The following UBE3D variants were observed in gnomAD, a reference collection of about 807,000 sequenced individuals.
The protein encoded by UBE3D is E3 ubiquitin-protein ligase E3D.
A neutral mutation model predicts 49.6 loss-of-function variants in UBE3D; 48 were observed. The observed-to-expected ratio is 0.97, with a 90% confidence interval of 0.77 to 1.23. The LOEUF (loss-of-function observed/expected upper bound fraction) is 1.23, where lower values mean the gene tolerates loss of function less well. UBE3D is among the 50% of genes most tolerant of loss of function. UBE3D has a pLI of 0.00. For missense variants in UBE3D, 452 were observed against 468.4 expected (o/e 0.96, Z 0.32); for synonymous variants, 189 against 174.2 (o/e 1.08, Z -0.67).
At chr6:82,996,362 A>G (rs1779242938) in intron 8 of UBE3D, among the ~76,000 whole-genome samples, 1 of 151,674 alleles carries the variant, frequency 6.6e-6, no homozygotes, top group Non-Finnish European at 1.5e-5. Context: ...AAATAAAATC[A>G]TAGTATGGAT....
At chr6:82,949,913 G>C (rs569938829) in intron 9 of UBE3D, among the ~76,000 whole-genome samples, 1 of 152,056 alleles carries the variant, frequency 6.6e-6, no homozygotes, top group South Asian at 2.1e-4. Context: ...CAAAATTACT[G>C]TAAGAAAACA....
At chr6:82,981,889 T>A (rs546671595) in intron 8 of UBE3D, among the ~76,000 whole-genome samples, 1 of 152,270 alleles carries the variant, frequency 6.6e-6, no homozygotes, top group African/African-American at 2.4e-5. Context: ...GAGAGCTGAT[T>A]TCCAATTCAA....
chr6:82,958,967 T>C (rs965076467), intron 8 of UBE3D, among the ~76,000 whole-genome samples: 1 of 152,064 alleles, frequency 6.6e-6, no homozygotes, highest in African/African-American at 2.4e-5. Flanking sequence ...ACTGGAGATA[T>C]ATGGTGTGGG....
At chr6:82,946,493 T>C (rs1406535126) in intron 9 of UBE3D, among the ~76,000 whole-genome samples, 1 of 152,096 alleles carries the variant, frequency 6.6e-6, no homozygotes, top group African/African-American at 2.4e-5. Context: ...AGACCTGTCC[T>C]TGAAGAAATG....
intron 3 of UBE3D, among the ~76,000 whole-genome samples, chr6:83,046,825 T>G (rs1476514549): frequency 6.6e-5 from 10 of 152,062 alleles, no homozygotes; most frequent in Non-Finnish European, 1.5e-4. Flanking sequence ...GACCAATCCA[T>G]GAATTCAAGG....
chr6:83,055,256 A>G (rs576006422), intron 2 of UBE3D, among the ~76,000 whole-genome samples: 1 of 152,350 alleles, frequency 6.6e-6, no homozygotes, highest in Admixed American at 6.5e-5. Context: ...AGAATGAACT[A>G]AAATATGTCT....
At chr6:83,035,368 A>G (rs73481047) in intron 5 of UBE3D, among the ~76,000 whole-genome samples, 4,331 of 152,188 alleles carry the variant, frequency 0.028, 173 homozygotes, top group East Asian at 0.081. Flanking sequence ...TAGATGATTT[A>G]TATTTTATGG....
intron 8 of UBE3D, among the ~76,000 whole-genome samples, chr6:82,968,652 T>C (rs1777122031): frequency 6.6e-6 from 1 of 152,160 alleles, no homozygotes; most frequent in Admixed American, 6.5e-5. Context: ...CAATTCACAT[T>C]TTCACAACCA....
At chr6:82,957,477 C>A in intron 8 of UBE3D, 27 bp from the exon 9 acceptor site, 1 of 1,580,474 alleles carries the variant, frequency 6.3e-7, no homozygotes, top group Non-Finnish European at 8.6e-7. Flanking sequence ...CATTAACTTT[C>A]AAAAATGCAT....
chr6:82,974,886 T>C (rs553622359), intron 8 of UBE3D, among the ~76,000 whole-genome samples: 9 of 152,232 alleles, frequency 5.9e-5, no homozygotes, highest in Admixed American at 1.3e-4. Context: ...TATTTATGAA[T>C]GTTAAAGTGA....
intron 8 of UBE3D, among the ~76,000 whole-genome samples, chr6:83,001,651 G>A (rs2127746419): frequency 6.7e-6 from 1 of 149,918 alleles, no homozygotes; most frequent in African/African-American, 2.5e-5. Flanking sequence ...ACAAGGAAAG[G>A]GAAGCTTGAA....
intron 9 of UBE3D, among the ~76,000 whole-genome samples, chr6:82,921,686 G>C (rs1773352243): frequency 6.6e-6 from 1 of 152,144 alleles, no homozygotes; most frequent in Non-Finnish European, 1.5e-5. Context: ...GGGCATGTTT[G>C]GGGTTGGAAT....
At chr6:82,945,625 A>C (rs1178652830) in intron 9 of UBE3D, among the ~76,000 whole-genome samples, 2 of 152,218 alleles carry the variant, frequency 1.3e-5, no homozygotes, top group Non-Finnish European at 2.9e-5. Flanking sequence ...ATAAACATGA[A>C]GACCATCCAG....
At chr6:82,958,662 C>T (rs1449927398) in intron 8 of UBE3D, among the ~76,000 whole-genome samples, 2 of 152,198 alleles carry the variant, frequency 1.3e-5, no homozygotes, top group Non-Finnish European at 2.9e-5. Flanking sequence ...TGGAATAAGA[C>T]ACTGGTCCAG....
chr6:83,022,587 C>A, intron 6 of UBE3D, 26 bp from the exon 7 acceptor site: 1 of 1,519,378 alleles, frequency 6.6e-7, no homozygotes, highest in South Asian at 1.3e-5. Context: ...TCAATTTTTA[C>A]AATGTGTATC....
intron 8 of UBE3D, among the ~76,000 whole-genome samples, chr6:82,981,016 A>T (rs1225535100): frequency 6.6e-6 from 1 of 152,104 alleles, no homozygotes; most frequent in Non-Finnish European, 1.5e-5. Context: ...CGTAGTGATC[A>T]TTTATTAAAA....
At chr6:82,891,971 G>A (rs1171546778), downstream of UBE3D, among the ~76,000 whole-genome samples, 1 of 152,022 alleles carries the variant, frequency 6.6e-6, no homozygotes, top group East Asian at 1.9e-4. Context: ...AGCCTGCAGT[G>A]AGCCGAGATC....
chr6:83,023,761 A>G (rs1008079842), intron 6 of UBE3D, among the ~76,000 whole-genome samples: 10 of 152,212 alleles, frequency 6.6e-5, no homozygotes, highest in Admixed American at 5.2e-4. Context: ...TAAGAGATAA[A>G]AGACTACACT....
chr6:83,058,364 A>G (rs1035065129), intron 1 of UBE3D, among the ~76,000 whole-genome samples: 1 of 152,254 alleles, frequency 6.6e-6, no homozygotes, highest in African/African-American at 2.4e-5. Flanking sequence ...AGATTCAGTG[A>G]AACAATGATA....
Sources: allele counts gnomAD v4.1 joint callset (sites outside exome capture counted in the v4.1 genomes callset), GRCh38; gene constraint gnomAD v4.1.1; transcripts MANE v1.5; gene names NCBI Gene and HGNC (gene_info 2026-07-23, HGNC 2026-07-21).